The following GRM1 variants were observed in gnomAD, a reference collection of about 807,000 sequenced individuals.
GRM1 encodes the protein metabotropic glutamate receptor 1.
In GRM1, 33 loss-of-function variants were observed where a neutral mutation model predicts 90.9. That is an observed-to-expected ratio of 0.36 (90% CI 0.28 to 0.49). The LOEUF is 0.49. Among genes scored for constraint, GRM1 ranks in the 20% least tolerant of loss-of-function variants. The probability of loss-of-function intolerance (pLI) is 0.99; values close to 1 mark genes in which losing one functional copy is unlikely to be tolerated. For synonymous variants in GRM1, 700 were observed against 613.2 expected, an observed-to-expected ratio of 1.14 and a Z score of -2.09; for missense variants, 1,190 against 1,534.3, an observed-to-expected ratio of 0.78 and a Z score of 3.75.
intron 1 of GRM1, among the ~76,000 whole-genome samples, chr6:146,131,905 T>C (rs1404538233): frequency 6.6e-6 from 1 of 152,148 alleles, no homozygotes; most frequent in Admixed American, 6.5e-5. Context: ...TTATATAGGA[T>C]GGCCAAGGAG....
intron 1 of GRM1, among the ~76,000 whole-genome samples, chr6:146,144,300 C>A (rs1777008131): frequency 1.3e-5 from 2 of 152,146 alleles, no homozygotes; most frequent in Non-Finnish European, 2.9e-5. Context: ...ACCTTAATTA[C>A]CTCCTTTTAG....
At chr6:146,187,417 C>T (rs991897713) in intron 2 of GRM1, among the ~76,000 whole-genome samples, 110 of 152,146 alleles carry the variant, frequency 7.2e-4, no homozygotes, top group African/African-American at 1.9e-3. Flanking sequence ...TACCATATCA[C>T]GAAGTTTTTG....
At chr6:146,204,283 C>G (rs1181007021) in intron 2 of GRM1, among the ~76,000 whole-genome samples, 1 of 152,214 alleles carries the variant, frequency 6.6e-6, no homozygotes, top group Non-Finnish European at 1.5e-5. Flanking sequence ...CAGAAGTGCT[C>G]TAGCACAGAA....
At chr6:146,174,057 CTTATCTCTAAGAGATAAATT>C (rs894770128) in intron 2 of GRM1, among the ~76,000 whole-genome samples, 4 of 152,068 alleles carry the variant, frequency 2.6e-5, no homozygotes, top group African/African-American at 9.6e-5. Flanking sequence ...TATCTGACAT[CTTATCTCTAAGAGATAAATT>C]TTATCTCTAA....
intron 2 of GRM1, among the ~76,000 whole-genome samples, chr6:146,267,682 G>T (rs529833745): frequency 0.015 from 1,532 of 101,942 alleles, 43 homozygotes; most frequent in African/African-American, 0.053. Flanking sequence ...GCTGGGCTGG[G>T]CTCGGCTCGG....
intron 3 of GRM1, among the ~76,000 whole-genome samples, chr6:146,307,989 C>A (rs1301502117): frequency 6.6e-6 from 1 of 152,172 alleles, no homozygotes; most frequent in Non-Finnish European, 1.5e-5. Context: ...AAAGCACTAA[C>A]TGAAACATCA....
chr6:146,252,496 G>A (rs1781327141), intron 2 of GRM1, among the ~76,000 whole-genome samples: 2 of 152,008 alleles, frequency 1.3e-5, no homozygotes, highest in South Asian at 4.2e-4. Flanking sequence ...AATTAGCCAG[G>A]CATGGTGGTG....
At chr6:146,283,965 T>C (rs1489446424) in intron 2 of GRM1, among the ~76,000 whole-genome samples, 2 of 152,238 alleles carry the variant, frequency 1.3e-5, no homozygotes, top group Non-Finnish European at 2.9e-5. Flanking sequence ...CCAAACTGAT[T>C]TCAAATACTG....
At chr6:146,270,737 C>G (rs1782084803) in intron 2 of GRM1, among the ~76,000 whole-genome samples, 1 of 152,104 alleles carries the variant, frequency 6.6e-6, no homozygotes, top group Admixed American at 6.5e-5. Flanking sequence ...TCATGAACAC[C>G]ATTTCAGGGA....
At chr6:146,064,533 T>G (rs1775778752) in intron 1 of GRM1, among the ~76,000 whole-genome samples, 1 of 152,176 alleles carries the variant, frequency 6.6e-6, no homozygotes, top group Admixed American at 6.5e-5. Context: ...GGATTATTCT[T>G]TTTGCTAAAA....
chr6:146,299,247 C>A (rs1011253055), intron 2 of GRM1, among the ~76,000 whole-genome samples: 3 of 152,158 alleles, frequency 2.0e-5, no homozygotes, highest in African/African-American at 7.2e-5. Context: ...CCTACATCAC[C>A]GTGTGATAAT....
chr6:146,038,630 C>T (rs140009516), intron 1 of GRM1, among the ~76,000 whole-genome samples: 16 of 151,986 alleles, frequency 1.1e-4, no homozygotes, highest in African/African-American at 2.7e-4. Context: ...CACTGAGTGG[C>T]GCATATTCAA....
chr6:146,304,936 G>T lies in GRM1; in HGVS notation c.1186+90G>T, dbSNP rs1049454763. On this transcript the variant is annotated intron_variant, in intron 3 of 7. Coordinates refer to ENST00000282753, the MANE Select transcript of GRM1 (RefSeq NM_001278064.2). ...TGTTGAATGAGAATAGAAGGTGCCA[G>T]GGCTAGAGATCCAAAGACAAAATTG... The T allele has an allele frequency of 5.4e-6, 5 of 929,374 alleles. No individual in the cohort carries two copies. In the African/African-American group the frequency reaches 6.5e-5, roughly 12 times the overall value. The allele number at this position is 929,374 out of a possible 1,614,324, so 57.6% of individuals were successfully genotyped here.
intron 2 of GRM1, among the ~76,000 whole-genome samples, chr6:146,230,018 C>G (rs1013490255): frequency 5.3e-5 from 8 of 152,174 alleles, no homozygotes; most frequent in Non-Finnish European, 1.0e-4. Flanking sequence ...GTCAGTTGCT[C>G]TCAGGAGTAA....
intron 1 of GRM1, among the ~76,000 whole-genome samples, chr6:146,118,223 T>C (rs2128876270): frequency 6.9e-6 from 1 of 144,406 alleles, no homozygotes; most frequent in Non-Finnish European, 1.5e-5. Flanking sequence ...CACTGCAAGC[T>C]CCACTTCCTG....
At chr6:146,424,890 A>T (rs1315435376) in intron 7 of GRM1, among the ~76,000 whole-genome samples, 2 of 152,212 alleles carry the variant, frequency 1.3e-5, no homozygotes, top group Non-Finnish European at 2.9e-5. Context: ...ATATTCAGAC[A>T]TACCTTTATT....
At chr6:146,148,901 A>T (rs193214427) in intron 1 of GRM1, among the ~76,000 whole-genome samples, 18 of 152,262 alleles carry the variant, frequency 1.2e-4, no homozygotes, top group African/African-American at 3.6e-4. Context: ...TACCAATACC[A>T]CATAGGTAAG....
chr6:146,175,879 A>T (rs948768819), intron 2 of GRM1, among the ~76,000 whole-genome samples: 1 of 152,178 alleles, frequency 6.6e-6, no homozygotes, highest in African/African-American at 2.4e-5. Flanking sequence ...AGAGCTTACA[A>T]TAATACTCGG....
At chr6:146,242,063 GAGC>G (rs748697122) in intron 2 of GRM1, among the ~76,000 whole-genome samples, 1 of 152,072 alleles carries the variant, frequency 6.6e-6, no homozygotes, top group Non-Finnish European at 1.5e-5. Context: ...GTATTCCAAG[GAGC>G]AGCATGTGTA....
Sources: allele counts gnomAD v4.1 joint callset (sites outside exome capture counted in the v4.1 genomes callset), GRCh38; gene constraint gnomAD v4.1.1; transcripts MANE v1.5; gene names NCBI Gene and HGNC (gene_info 2026-07-23, HGNC 2026-07-21).